The following NCOR2 variants were observed in gnomAD, a reference collection of about 807,000 sequenced individuals.
NCOR2 encodes the protein CTG repeat protein 26.
NCOR2 carries 81 observed loss-of-function variants against 262.9 expected under a neutral mutation model. That is an observed-to-expected ratio of 0.31 (90% CI 0.26 to 0.37). The LOEUF is 0.37. Among genes scored for constraint, NCOR2 ranks in the 10% least tolerant of loss-of-function variants. The pLI, the probability that NCOR2 is intolerant of heterozygous loss-of-function variation, is 1.00. For missense variants in NCOR2, 3,385 were observed against 3,621.4 expected, an observed-to-expected ratio of 0.93 and a Z score of 1.68; for synonymous variants, 1,659 against 1,559.3, an observed-to-expected ratio of 1.06 and a Z score of -1.51.
At chr12:124,388,861 A>T in intron 16 of NCOR2, 2 of 456,430 alleles carry the variant, frequency 4.4e-6, no homozygotes, top group Non-Finnish European at 7.4e-6. Context: ...TCTCCGTCCC[A>T]CGGTGAGGGA....
chr12:124,359,564 CA>C (rs1294059238), intron 22 of NCOR2, among the ~76,000 whole-genome samples: 11 of 152,258 alleles, frequency 7.2e-5, no homozygotes, highest in Non-Finnish European at 1.5e-5. Context: ...GGCACCTGTA[CA>C]GGGCCTGCCT....
upstream of NCOR2, chr12:124,567,598 C>CGCGGCGGCGGTGGCGGCGGCG (rs1244526958): frequency 1.4e-5 from 2 of 138,696 alleles, no homozygotes; most frequent in East Asian, 2.3e-4. Context: ...CCCCGGCGGC[C>CGCGGCGGCGGTGGCGGCGGCG]GCGGCGGCGG....
chr12:124,502,376 G>A lies in NCOR2; in HGVS notation c.-117-7008C>T, dbSNP rs1024033786. Among the ~76,000 whole-genome samples, 8 of 152,172 alleles carry A rather than the reference G, an allele frequency of 5.3e-5. No homozygotes were observed. In the South Asian group the frequency reaches 6.2e-4, roughly 12 times the overall value. On this transcript the variant is annotated intron_variant, in intron 1 of 46. Coordinates refer to the NCOR2 transcript ENST00000404621. ...AAGCTGCCATTCCAGCAGGTGAGAC[G>A]GGAGTAAGAGGATGGCAGAAGGTGT... is the stretch of plus-strand genomic sequence containing the variant.
intron 17 of NCOR2, among the ~76,000 whole-genome samples, chr12:124,380,772 G>A (rs1017855668): frequency 3.3e-5 from 5 of 152,078 alleles, no homozygotes; most frequent in Non-Finnish European, 7.4e-5. Context: ...TGGAGTGCAA[G>A]GTGTCTCTGC....
intron 37 of NCOR2, among the ~76,000 whole-genome samples, chr12:124,339,473 C>T (rs943413505): frequency 2.0e-5 from 3 of 149,692 alleles, no homozygotes; most frequent in African/African-American, 7.4e-5. Context: ...CCTAACGTGA[C>T]CACCCACCCA....
chr12:124,495,041 A>T lies in NCOR2; in HGVS notation c.105+106T>A, dbSNP rs982303122. Reference sequence around the variant, plus strand: ...CTCCCCTCTGCCCTGGGAGGCTCAGAGCCACATGAGCCTGGCTCCCAGGAG... The same window carrying T: ...CTCCCCTCTGCCCTGGGAGGCTCAGTGCCACATGAGCCTGGCTCCCAGGAG... On this transcript the variant is annotated intron_variant, in intron 1 of 46. Coordinates refer to ENST00000405201, the Ensembl canonical transcript of NCOR2. This position sits in a 1 kb window ranked among gnomAD's most constrained non-coding sequence, Gnocchi z 4.4. 6.4e-6 allele frequency: 9 copies of T among 1,412,768 alleles called. No individual in the cohort carries two copies. In the African/African-American group the frequency reaches 1.0e-4, roughly 16 times the overall value. The allele number at this position is 1,412,768 out of a possible 1,614,324, so 87.5% of individuals were successfully genotyped here.
At chr12:124,455,156 A>C (rs2045770483) in intron 6 of NCOR2, among the ~76,000 whole-genome samples, 1 of 152,232 alleles carries the variant, frequency 6.6e-6, no homozygotes, top group South Asian at 2.1e-4. Context: ...TCTAAAATTG[A>C]CCGTGGTGAC....
At position 124,346,858 on chromosome 12, in the gene NCOR2, G is replaced by A; in HGVS notation, c.4073-8C>T. On this transcript the variant is annotated splice_region_variant and splice_polypyrimidine_tract_variant and intron_variant, in intron 30 of 46. Transcript: ENST00000405201. The stretch of plus-strand genomic sequence containing the variant: ...CGTAGGACCGAGGGATCCCTGCCGG[G>A]CCGACAGCACTGACCCTCACGCCCC... 6.4e-7 allele frequency: 1 copy of A among 1,559,528 alleles called. No individual in the cohort carries two copies. The highest frequency in any genetic ancestry group is 1.4e-5 in the African/African-American group (1 of 73,700).
intron 27 of NCOR2, among the ~76,000 whole-genome samples, chr12:124,351,918 G>C (rs1324473884): frequency 6.6e-6 from 1 of 152,162 alleles, no homozygotes; most frequent in Non-Finnish European, 1.5e-5. Flanking sequence ...CTGAGTCTCT[G>C]GCTGGACTTG....
In NCOR2 at chr12:124,400,456, T is replaced by C. The variant is rs745607291; in HGVS notation, c.1813+45A>G. 7 of 1,591,854 alleles carry C rather than the reference T, an allele frequency of 4.4e-6. No individual in the cohort carries two copies. In the African/African-American group the frequency reaches 8.1e-5, roughly 18 times the overall value. Reference sequence around the variant, plus strand: ...ACTTTCATATGAGCGCAACCCGCCGTGTCTCCAGCCCCTTCCCCACCCGCA... The same window carrying C: ...ACTTTCATATGAGCGCAACCCGCCGCGTCTCCAGCCCCTTCCCCACCCGCA... On this transcript the variant is annotated intron_variant, in intron 15 of 46. Transcript: ENST00000405201.
chr12:124,559,144 C>G (rs561085899), intron 1 of NCOR2, among the ~76,000 whole-genome samples: 93 of 152,306 alleles, frequency 6.1e-4, no homozygotes, highest in Non-Finnish European at 4.3e-4. Flanking sequence ...CCACCTCCAA[C>G]AGCCCACCCT....
At chr12:124,347,997 G>A in intron 29 of NCOR2, 86 bp from the exon 32 acceptor site, 1 of 1,475,628 alleles carries the variant, frequency 6.8e-7, no homozygotes, top group Non-Finnish European at 9.2e-7. Flanking sequence ...ACAGCCGCCA[G>A]TGGTCATCCC....
intron 12 of NCOR2, 62 bp downstream of exon 14, chr12:124,422,439 G>A (rs1429444131): frequency 1.9e-6 from 3 of 1,599,804 alleles, no homozygotes; most frequent in Admixed American, 3.3e-5. Flanking sequence ...CCTCCACCCT[G>A]AGTCCACGCA....
Position 124,566,301 on chromosome 12 carries a change from G to C in NCOR2, c.-165+1007C>G, listed in dbSNP as rs150257252. ...CCTGCACCAGACCCTCGGAGAGCCG[G>C]AGCGCGCGACAGGCGGCGGGAGGAC... On this transcript the variant is annotated intron_variant, in intron 1 of 32. Coordinates refer to the NCOR2 transcript ENST00000458234. The surrounding 1 kb of genome is among the most constrained non-coding windows in gnomAD (Gnocchi z 4.3). Among the ~76,000 whole-genome samples the C allele has an allele frequency of 2.0e-5, 3 of 152,346 alleles. No individual in the cohort carries two copies. The East Asian group carries it at 5.8e-4, about 29-fold the overall frequency.
intron 20 of NCOR2, among the ~76,000 whole-genome samples, chr12:124,371,283 A>T (rs1429708585): frequency 7.5e-6 from 1 of 132,874 alleles, no homozygotes; most frequent in East Asian, 2.2e-4. Flanking sequence ...GCTCATTCCC[A>T]CCTCGGGCCT....
rs1342500597 is a variant in NCOR2, at chr12:124,495,228, C to T, written c.24G>A (p.Val8=). ...GCTCAGTGGCCCTCCACGTCTGTGC[C>T]ACAGGCTGTGTGGATCCCGACATGG... The change falls in exon 1 of 47, where the codon GTG becomes GTA. Residue 8 remains valine (V), a synonymous_variant. Coordinates refer to ENST00000405201, the Ensembl canonical transcript of NCOR2. The surrounding 1 kb of genome is among the most constrained non-coding windows in gnomAD (Gnocchi z 4.4). 6.2e-7 allele frequency: 1 copy of T among 1,613,696 alleles called. No homozygotes were observed. Among genetic ancestry groups the T allele is most frequent in the South Asian group, 1.1e-5 (1 of 91,058 alleles).
At chr12:124,352,135 G>C (rs780486350) in intron 27 of NCOR2, among the ~76,000 whole-genome samples, 1 of 152,230 alleles carries the variant, frequency 6.6e-6, no homozygotes, top group Non-Finnish European at 1.5e-5. Context: ...AATAGGTGCT[G>C]AGTCAGGTGA....
intron 15 of NCOR2, among the ~76,000 whole-genome samples, chr12:124,399,712 T>C (rs780959957): frequency 1.3e-5 from 2 of 152,196 alleles, no homozygotes; most frequent in Non-Finnish European, 2.9e-5. Context: ...GAATGAGCCC[T>C]GGCAGGCGGG....
chr12:124,416,704 CAGAT>C (rs2042887230), intron 13 of NCOR2, among the ~76,000 whole-genome samples: 1 of 146,474 alleles, frequency 6.8e-6, no homozygotes, highest in Non-Finnish European at 1.5e-5. Context: ...CCCCGCGGCA[CAGAT>C]AGAACCCGCG....
Sources: gnomAD v4.1 joint callset for allele counts (sites outside exome capture counted in the v4.1 genomes callset) on GRCh38, gnomAD v4.1.1 for gene constraint, Gnocchi (gnomAD v3.1) non-coding constraint, MANE v1.5 for transcripts, NCBI Gene and HGNC (gene_info 2026-07-23, HGNC 2026-07-21) for gene names.